The following KCNQ5 variants were observed in gnomAD, a reference collection of about 807,000 sequenced individuals.
KCNQ5 encodes potassium voltage-gated channel subfamily KQT member 5.
In KCNQ5, 30 loss-of-function variants were observed where a neutral mutation model predicts 98.2. The ratio of observed to expected loss-of-function variants is 0.31; its 90% CI spans 0.23 to 0.41. KCNQ5 has a LOEUF of 0.41. Ranked by LOEUF, KCNQ5 falls within the 10% of genes least tolerant of loss-of-function variation. The pLI is 1.00. For synonymous variants in KCNQ5, 458 were observed against 449.4 expected, an observed-to-expected ratio of 1.02 and a Z score of -0.24; for missense variants, 835 against 1,182.5, an observed-to-expected ratio of 0.71 and a Z score of 4.31.
At chr6:72,771,066 G>A (rs1191220370) in intron 1 of KCNQ5, among the ~76,000 whole-genome samples, 1 of 152,118 alleles carries the variant, frequency 6.6e-6, no homozygotes, top group Non-Finnish European at 1.5e-5. Context: ...AGAAGTTGTT[G>A]CACATATAGT....
At chr6:73,066,068 C>A (rs542949812) in intron 3 of KCNQ5, among the ~76,000 whole-genome samples, 12 of 152,186 alleles carry the variant, frequency 7.9e-5, no homozygotes, top group Non-Finnish European at 1.5e-5. Flanking sequence ...ATCGCTTGAA[C>A]CCGAGAGGCG....
rs1428303570 is a variant in KCNQ5, at chr6:73,041,917, G to A, written c.490-19G>A. ...GCTCCATAATGCTTCTCTCTGATAT[G>A]TCTTATCTGATATTTTAGGAGTTCG... On this transcript the variant is annotated intron_variant, in intron 2 of 13. Coordinates refer to ENST00000370398, the MANE Select transcript of KCNQ5 (RefSeq NM_019842.4). The A allele has an allele frequency of 3.7e-6, 6 of 1,613,490 alleles. No individual in the cohort carries two copies. Among genetic ancestry groups the A allele is most frequent in the Non-Finnish European group, 5.1e-6 (6 of 1,179,576 alleles).
intron 1 of KCNQ5, among the ~76,000 whole-genome samples, chr6:72,979,073 A>G (rs1007602149): frequency 2.6e-5 from 4 of 152,302 alleles, no homozygotes; most frequent in Admixed American, 6.5e-5. Flanking sequence ...AATCCAGTCT[A>G]TCATTGATGA....
intron 11 of KCNQ5, among the ~76,000 whole-genome samples, chr6:73,180,143 C>G (rs1051216163): frequency 1.3e-5 from 2 of 152,144 alleles, no homozygotes; most frequent in Non-Finnish European, 2.9e-5. Flanking sequence ...AGCTCACAGT[C>G]GCAGCAACCA....
chr6:72,984,354 C>G (rs1302234772), intron 1 of KCNQ5, among the ~76,000 whole-genome samples: 1 of 152,206 alleles, frequency 6.6e-6, no homozygotes, highest in African/African-American at 2.4e-5. Context: ...TGTTGAGCTG[C>G]GTGGGCTCCA....
At chr6:73,133,003 C>A (rs932389608) in intron 9 of KCNQ5, among the ~76,000 whole-genome samples, 4 of 152,182 alleles carry the variant, frequency 2.6e-5, no homozygotes, top group African/African-American at 9.7e-5. Flanking sequence ...CCCTGTTTAC[C>A]TGTAGAAATG....
chr6:72,629,897 T>C (rs1051817358), intron 1 of KCNQ5, among the ~76,000 whole-genome samples: 1 of 152,240 alleles, frequency 6.6e-6, no homozygotes, highest in Non-Finnish European at 1.5e-5. Context: ...AATTCTTTGA[T>C]GGTCTCAGAG....
At chr6:72,653,765 A>C (rs1765994349) in intron 1 of KCNQ5, among the ~76,000 whole-genome samples, 1 of 152,062 alleles carries the variant, frequency 6.6e-6, no homozygotes, top group Non-Finnish European at 1.5e-5. Context: ...TTAAATATTT[A>C]TTAGAGAAAC....
At chr6:72,912,406 C>T (rs1056285531) in intron 1 of KCNQ5, among the ~76,000 whole-genome samples, 3 of 152,162 alleles carry the variant, frequency 2.0e-5, no homozygotes, top group Non-Finnish European at 4.4e-5. Context: ...GTCCTCCTTG[C>T]TTAGTGTCAG....
At chr6:73,046,522 C>T (rs957376269) in intron 3 of KCNQ5, among the ~76,000 whole-genome samples, 2 of 151,780 alleles carry the variant, frequency 1.3e-5, no homozygotes, top group South Asian at 2.1e-4. Context: ...CTACTTTAAG[C>T]ACTTTATAAA....
intron 3 of KCNQ5, chr6:73,055,779 C>T (rs1772459655): frequency 3.2e-6 from 3 of 923,998 alleles, no homozygotes; most frequent in Non-Finnish European, 5.3e-6. Context: ...AAGCCCAGCC[C>T]ACGCAGTTCC....
At chr6:72,635,211 G>T (rs1033441321) in intron 1 of KCNQ5, among the ~76,000 whole-genome samples, 3 of 151,288 alleles carry the variant, frequency 2.0e-5, no homozygotes, top group African/African-American at 4.9e-5. Flanking sequence ...TTTATTATTT[G>T]TAGAGACAGG....
intron 9 of KCNQ5, chr6:73,125,630 T>A: frequency 4.7e-6 from 1 of 215,030 alleles, no homozygotes; most frequent in Non-Finnish European, 9.1e-6. Context: ...TGAAGCCAGT[T>A]TTGAAAGTTC....
intron 1 of KCNQ5, among the ~76,000 whole-genome samples, chr6:72,768,892 A>T (rs1367209462): frequency 6.6e-6 from 1 of 152,086 alleles, no homozygotes; most frequent in Non-Finnish European, 1.5e-5. Context: ...GTTTACATTT[A>T]AAAATATTTC....
At chr6:72,670,805 T>G (rs1193715975) in intron 1 of KCNQ5, among the ~76,000 whole-genome samples, 1 of 152,134 alleles carries the variant, frequency 6.6e-6, no homozygotes, top group East Asian at 1.9e-4. Flanking sequence ...ACTCTTACAT[T>G]CTTGTTTAAC....
intron 1 of KCNQ5, among the ~76,000 whole-genome samples, chr6:72,917,943 C>G (rs1780228249): frequency 6.6e-6 from 1 of 152,108 alleles, no homozygotes; most frequent in Non-Finnish European, 1.5e-5. Context: ...GGGGGGCTGT[C>G]CTGTGTCTTG....
At chr6:72,724,157 A>G (rs1332887426) in intron 1 of KCNQ5, among the ~76,000 whole-genome samples, 2 of 152,164 alleles carry the variant, frequency 1.3e-5, no homozygotes, top group South Asian at 2.1e-4. Flanking sequence ...TTTATGTAAG[A>G]CATATAAAAT....
chr6:72,972,715 G>A (rs1767964068), intron 1 of KCNQ5, among the ~76,000 whole-genome samples: 2 of 152,060 alleles, frequency 1.3e-5, no homozygotes. Context: ...AGTGCCTGGT[G>A]GTTAACACAA....
chr6:72,640,731 T>C (rs985506819), intron 1 of KCNQ5: 1 of 152,146 alleles, frequency 6.6e-6, no homozygotes, highest in African/African-American at 2.4e-5. Context: ...CTATCTTTTT[T>C]AGATGGGAAA....
Sources: allele counts gnomAD v4.1 joint callset (sites outside exome capture counted in the v4.1 genomes callset), GRCh38; gene constraint gnomAD v4.1.1; transcripts MANE v1.5; gene names NCBI Gene and HGNC (gene_info 2026-07-23, HGNC 2026-07-21).